The following MYO16 variants were observed in gnomAD, a reference collection of about 807,000 sequenced individuals.
MYO16 encodes the protein myosin XVI, also known as unconventional myosin-XVI.
In MYO16, 94 loss-of-function variants were observed where a neutral mutation model predicts 205.3. That is an observed-to-expected ratio of 0.46 (90% CI 0.39 to 0.54). MYO16 has a LOEUF of 0.54. Among genes scored for constraint, MYO16 ranks in the 20% least tolerant of loss-of-function variants. MYO16 has a pLI of 0.00. For missense variants in MYO16, 2,315 were observed against 2,387.5 expected, an observed-to-expected ratio of 0.97 and a Z score of 0.63; for synonymous variants, 988 against 954.0, an observed-to-expected ratio of 1.04 and a Z score of -0.66.
chr13:108,727,119 G>A (rs1216418156), intron 3 of MYO16, among the ~76,000 whole-genome samples: 1 of 151,632 alleles, frequency 6.6e-6, no homozygotes, highest in African/African-American at 2.4e-5. Flanking sequence ...GATAATTATT[G>A]TGAATGGTTC....
Position 109,141,043 on chromosome 13 carries a change from C to T in MYO16, c.4831C>T (p.Pro1611Ser). Residue 1611 changes from proline (P) to serine (S), a missense_variant, in exon 32 of 35, where the codon CCC (proline) becomes TCC (serine). Physicochemically the swap from Pro to Ser is moderately conservative, Grantham distance 74. Transcript: ENST00000457511. The surrounding 1 kb of genome is among the most constrained non-coding windows in gnomAD (Gnocchi z 4.1). ...PPGPPPAPYR[P>S]CAHLAFPPEP... Reference sequence around the variant, plus strand: ...CGGGCCGCCCCCCGCGCCCTACAGGCCCTGCGCGCACTTGGCCTTCCCGCC... The same window carrying T: ...CGGGCCGCCCCCCGCGCCCTACAGGTCCTGCGCGCACTTGGCCTTCCCGCC... The T allele has an allele frequency of 1.4e-6, 2 of 1,411,532 alleles. No individual in the cohort carries two copies. The highest frequency in any genetic ancestry group is 1.8e-6 in the Non-Finnish European group (2 of 1,087,664). The allele number at this position is 1,411,532 out of a possible 1,614,324, so 87.4% of individuals were successfully genotyped here.
chr13:109,012,475 A>T (rs916088689), intron 22 of MYO16, among the ~76,000 whole-genome samples: 1 of 152,182 alleles, frequency 6.6e-6, no homozygotes, highest in Non-Finnish European at 1.5e-5. Flanking sequence ...CTGATTCTAC[A>T]TTATGGTGAC....
intron 12 of MYO16, among the ~76,000 whole-genome samples, chr13:108,869,838 T>G (rs1878959680): frequency 6.6e-6 from 1 of 151,214 alleles, no homozygotes; most frequent in Non-Finnish European, 1.5e-5. Context: ...CTAGTGTGTT[T>G]TAAAAATACT....
At chr13:109,096,349 C>G (rs1888775020) in intron 27 of MYO16, among the ~76,000 whole-genome samples, 1 of 152,168 alleles carries the variant, frequency 6.6e-6, no homozygotes, top group African/African-American at 2.4e-5. Context: ...TTTCCCTTTT[C>G]TTTTCAGGAC....
intron 27 of MYO16, among the ~76,000 whole-genome samples, chr13:109,089,499 G>A (rs1888553396): frequency 6.6e-6 from 1 of 152,124 alleles, no homozygotes; most frequent in Non-Finnish European, 1.5e-5. Context: ...ACAGACATGA[G>A]CCACCGCACC....
At position 108,964,841 on chromosome 13, in the gene MYO16, T is replaced by C. The variant is rs1305035942; in HGVS notation, c.2308T>C (p.Leu770=). 10 of 1,554,788 alleles carry C rather than the reference T, an allele frequency of 6.4e-6. No homozygotes were observed. The highest frequency in any genetic ancestry group is 8.8e-6 in the Non-Finnish European group (10 of 1,130,392). ...CTTGGCCAAGTCCCTGTACAGTCGT[T>C]TGTTTAGCTTTTTGGTGAATACCAT... ...DLLAKSLYSR[L]FSFLVNTMNS... The change falls in exon 20 of 35, where the codon TTG becomes CTG. Residue 770 remains leucine (L), a synonymous_variant. Coordinates refer to ENST00000457511, the MANE Select transcript of MYO16 (RefSeq NM_001198950.3).
At chr13:108,689,179 T>C (rs1882798880) in intron 2 of MYO16, among the ~76,000 whole-genome samples, 1 of 152,178 alleles carries the variant, frequency 6.6e-6, no homozygotes, top group Non-Finnish European at 1.5e-5. Context: ...GCTTTTCAAA[T>C]TGAATTTTAT....
chr13:109,175,009 C>CA (rs1472401834), intron 33 of MYO16, among the ~76,000 whole-genome samples: 6 of 152,058 alleles, frequency 3.9e-5, no homozygotes, highest in African/African-American at 1.4e-4. Context: ...CTCAGCCTCT[C>CA]AAAGTGCTGG....
At chr13:109,151,740 G>T (rs1215885685) in intron 32 of MYO16, among the ~76,000 whole-genome samples, 4 of 152,188 alleles carry the variant, frequency 2.6e-5, no homozygotes, top group African/African-American at 9.7e-5. Flanking sequence ...TATGTGAAAA[G>T]CTGGATAAAC....
chr13:108,744,332 G>A (rs188945520), intron 4 of MYO16, among the ~76,000 whole-genome samples: 1 of 152,024 alleles, frequency 6.6e-6, no homozygotes, highest in East Asian at 1.9e-4. Flanking sequence ...TCTACTCATA[G>A]TCACCTCTCC....
intron 4 of MYO16, among the ~76,000 whole-genome samples, chr13:108,759,807 G>T (rs530418943): frequency 7.2e-6 from 1 of 139,352 alleles, no homozygotes; most frequent in East Asian, 2.1e-4. Flanking sequence ...GCGACACAGC[G>T]AGACTCCGTC....
At position 108,691,438 on chromosome 13, in the gene MYO16, G is replaced by T. The variant is rs112687248; in HGVS notation, c.293-21223G>T. Among the ~76,000 whole-genome samples the T allele has an allele frequency of 5.3e-3, 804 of 151,894 alleles. 10 individuals are homozygous for T. Among genetic ancestry groups the T allele is most frequent in the African/African-American group, 0.018 (757 of 41,422 alleles). On this transcript the variant is annotated intron_variant, in intron 2 of 34. Coordinates refer to ENST00000457511, the MANE Select transcript of MYO16 (RefSeq NM_001198950.3). ...TGTGAGAGAGAGAGATAGAGAGAGA[G>T]AAATATTAAGAGGAGAAAGAGAGAG...
At chr13:108,538,062 C>T in the MYO16 span, among the ~76,000 whole-genome samples, 58 of 152,076 alleles carry the variant, frequency 3.8e-4, 1 homozygote, top group Admixed American at 1.0e-3. Flanking sequence ...CTTTGGAGAT[C>T]TTAGTAGTAA....
chr13:108,848,564 G>A (rs1877643202), intron 10 of MYO16, among the ~76,000 whole-genome samples: 1 of 152,150 alleles, frequency 6.6e-6, no homozygotes, highest in African/African-American at 2.4e-5. Flanking sequence ...AGCACTAGAG[G>A]CCAAGGTGGG....
chr13:108,683,311 G>T (rs369192022), intron 2 of MYO16, among the ~76,000 whole-genome samples: 32 of 151,154 alleles, frequency 2.1e-4, no homozygotes, highest in African/African-American at 7.8e-4. Context: ...TTGCTGGCTT[G>T]TGACAGGCTC....
rs527613088 is a variant in MYO16 at position 108,785,358 on chromosome 13, A to C, written c.508-277A>C. ...CAGAGGCATGGGTTTGCAGCCACAC[A>C]CTAGAGATGCTGGGTTTAGCAAAGG... On this transcript the variant is annotated intron_variant, in intron 4 of 34. Transcript: ENST00000457511. Among the ~76,000 whole-genome samples, 4 of 152,270 alleles carry C rather than the reference A, an allele frequency of 2.6e-5. No individual in the cohort carries two copies. In the South Asian group the frequency reaches 8.3e-4, roughly 32 times the overall value.
chr13:108,872,700 A>G (rs1481269602), intron 12 of MYO16, among the ~76,000 whole-genome samples: 3 of 151,720 alleles, frequency 2.0e-5, no homozygotes, highest in Non-Finnish European at 2.9e-5. Context: ...TGATTTTATA[A>G]AATGAATTTG....
At chr13:109,184,502 G>GT (rs1342858184) in intron 34 of MYO16, among the ~76,000 whole-genome samples, 4 of 152,158 alleles carry the variant, frequency 2.6e-5, no homozygotes, top group Non-Finnish European at 5.9e-5. Flanking sequence ...TAAATGCACA[G>GT]TTTTTTCTGA....
At position 108,727,483 on chromosome 13, in the gene MYO16, A is replaced by T. The variant is rs375986859; in HGVS notation, c.407A>T (p.Asp136Val). 6 of 1,613,894 alleles carry T rather than the reference A, an allele frequency of 3.7e-6. No homozygotes were observed. The highest frequency in any genetic ancestry group is 5.1e-6 in the Non-Finnish European group (6 of 1,179,926). The change falls in exon 4 of 35, where the codon GAC (aspartate) becomes GTC (valine). Residue 136 changes from aspartate (D) to valine (V), a missense_variant. Transcript: ENST00000457511. ...DNAFIAEILI[D>V]RGVNVNHQDE... is the part of the protein sequence containing the mutation. ...GCCTTCATTGCAGAAATTCTGATTG[A>T]CAGAGGAGTCAACGTCAACCACCAG...
Sources: gnomAD v4.1 joint callset for allele counts (sites outside exome capture counted in the v4.1 genomes callset) on GRCh38, gnomAD v4.1.1 for gene constraint, Gnocchi (gnomAD v3.1) non-coding constraint, MANE v1.5 for transcripts, NCBI Gene and HGNC (gene_info 2026-07-23, HGNC 2026-07-21) for gene names.